The following HNRNPCL1 variants were observed in gnomAD, a reference collection of about 807,000 sequenced individuals.
HNRNPCL1 encodes the protein heterogeneous nuclear ribonucleoprotein C like 1.
A neutral mutation model predicts 19.0 loss-of-function variants in HNRNPCL1; 15 were observed. That is an observed-to-expected ratio of 0.79 (90% confidence interval 0.53 to 1.22). The LOEUF (loss-of-function observed/expected upper bound fraction) is 1.22. Among genes scored for constraint, HNRNPCL1 ranks in the 50% most tolerant of loss-of-function variants. HNRNPCL1 has a pLI of 0.00. For synonymous variants in HNRNPCL1, 110 were observed against 129.1 expected, an observed-to-expected ratio of 0.85 and a Z score of 1.00; for missense variants, 327 against 354.7, an observed-to-expected ratio of 0.92 and a Z score of 0.63.
chr1:12,847,624 C>T lies in HNRNPCL1; in HGVS notation c.666G>A (p.Glu222=), dbSNP rs199604355. 82 of 1,606,540 alleles carry T rather than the reference C, an allele frequency of 5.1e-5. 5 individuals carry two copies. The Middle Eastern group carries it at 8.2e-4, about 16-fold the overall frequency. Residue 222 remains glutamate (E), a synonymous_variant, in exon 2 of 2, where the codon GAG becomes GAA. Coordinates refer to ENST00000317869, the MANE Select transcript of HNRNPCL1 (RefSeq NM_001013631.3). ...TCTTCATGGAGCTACTGCTCTGCTCCTCTTCTGACTTAGCATTTTTCACCT... is the reference window on the plus strand; with the variant it reads ...TCTTCATGGAGCTACTGCTCTGCTCTTCTTCTGACTTAGCATTTTTCACCT... The part of the protein sequence containing the change: ...EVEVKNAKSE[E]EQSSSSMKKD...
rs759411395 is a variant in HNRNPCL1 at position 12,847,927 on chromosome 1, A to C, written c.363T>G (p.Asp121Glu). Residue 121 changes from aspartate to glutamate, a missense_variant, in exon 2 of 2, where the codon GAT (aspartate) becomes GAG (glutamate). Coordinates refer to ENST00000317869, the MANE Select transcript of HNRNPCL1 (RefSeq NM_001013631.3). ...CACGTGCTGGGAAACTGTACATTCC[A>C]TCATAATAATCCCGTTGAAAGCCAT... is the stretch of plus-strand genomic sequence containing the variant. ...LDYGFQRDYY[D>E]GMYSFPARVP... 6 of 1,606,902 alleles carry C rather than the reference A, an allele frequency of 3.7e-6. 1 individual carries two copies. The East Asian group carries it at 1.3e-4, about 36-fold the overall frequency.
rs1388976665 is a variant in HNRNPCL1 at position 12,847,533 on chromosome 1, G to C, written c.757C>G (p.Pro253Ala). 1 of 1,606,158 alleles carries C rather than the reference G, an allele frequency of 6.2e-7. No individual in the cohort carries two copies. The highest frequency in any genetic ancestry group is 2.2e-5 in the East Asian group (1 of 44,672). Residue 253 changes from proline to alanine, a missense_variant, in exon 2 of 2, where the codon CCA (proline) becomes GCA (alanine). By Grantham distance (27) the Pro-to-Ala change is conservative. This residue lies in a region of HNRNPCL1 where 281 missense variants were observed against 254.7 expected (regional missense o/e 1.10). Coordinates refer to ENST00000317869, the MANE Select transcript of HNRNPCL1 (RefSeq NM_001013631.3). ...TCTTCATTAACATCATCATCCAGTG[G>C]GTCCCCCTCCTCAGCAGAGTCTTCT... Reference protein sequence around the residue: ...GAEDSAEEGDPLDDDVNEDQG... With the variant: ...GAEDSAEEGDALDDDVNEDQG...
At position 12,847,932 on chromosome 1, in the gene HNRNPCL1, A is replaced by C. The variant is rs751024577; in HGVS notation, c.358T>G (p.Tyr120Asp). ...DLDYGFQRDY[Y>D]DGMYSFPARV... is the part of the protein sequence containing the mutation. ...GCTGGGAAACTGTACATTCCATCATAATAATCCCGTTGAAAGCCATAGTCC... is the reference window on the plus strand; with the variant it reads ...GCTGGGAAACTGTACATTCCATCATCATAATCCCGTTGAAAGCCATAGTCC... The change falls in exon 2 of 2, where the codon TAT (tyrosine) becomes GAT (aspartate). Residue 120 changes from tyrosine to aspartate, a missense_variant. Tyr to Asp is a radical substitution (Grantham distance 160, BLOSUM62 -3). This residue lies in a region of HNRNPCL1 where 281 missense variants were observed against 254.7 expected (regional missense o/e 1.10). Transcript: ENST00000317869. 14 of 1,606,952 alleles carry C rather than the reference A, an allele frequency of 8.7e-6. 1 individual carries two copies. The African/African-American group carries it at 9.4e-5, about 11-fold the overall frequency.
chr1:12,847,992 A>G lies in HNRNPCL1; in HGVS notation c.298T>C (p.Ser100Pro). The G allele has an allele frequency of 6.2e-7, 1 of 1,607,638 alleles. No individual in the cohort carries two copies. Among genetic ancestry groups the G allele is most frequent in the African/African-American group, 1.3e-5 (1 of 74,416 alleles). ...VNRGNAGVKR[S>P]AAEMYGSSFD... The stretch of plus-strand genomic sequence containing the variant: ...GAGGAGCCGTACATCTCCGCTGCTG[A>G]TCGTTTCACACCTGCGTTTCCTCGG... Residue 100 changes from serine (S) to proline (P), a missense_variant, in exon 2 of 2, where the codon TCA (serine) becomes CCA (proline). Ser to Pro is a moderately conservative substitution (Grantham distance 74). Coordinates refer to ENST00000317869, the MANE Select transcript of HNRNPCL1 (RefSeq NM_001013631.3).
Position 12,847,944 on chromosome 1 carries a change from G to A in HNRNPCL1, c.346C>T (p.Gln116Ter). The change falls in exon 2 of 2, where the codon CAA (glutamine) becomes TAA (stop). Residue 116 changes from glutamine to a stop codon, truncating the protein, a stop_gained. Transcript: ENST00000317869. LOFTEE classifies it high-confidence loss of function. The stretch of plus-strand genomic sequence containing the variant: ...TACATTCCATCATAATAATCCCGTT[G>A]AAAGCCATAGTCCAAGTCAAAAGAG... ...GSSFDLDYGF[Q>*]RDYYDGMYSF... is the part of the protein sequence containing the mutation. 1 of 1,607,364 alleles carries A rather than the reference G, an allele frequency of 6.2e-7. No individual in the cohort carries two copies. The highest frequency in any genetic ancestry group is 8.5e-7 in the Non-Finnish European group (1 of 1,176,928).
rs2359486 is a variant in HNRNPCL1, at chr1:12,847,497, C to A, written c.793G>T (p.Asp265Tyr). ...TCATCCTTGATCAACTCCAGCTGGT[C>A]ATCCCCCTGATCTTCATTAACATCA... ...DDDVNEDQGD[D>Y]QLELIKDDEK... is the part of the protein sequence containing the mutation. The change falls in exon 2 of 2, where the codon GAC becomes TAC. Residue 265 changes from aspartate to tyrosine, a missense_variant. Physicochemically the swap from Asp to Tyr is radical, Grantham distance 160. Transcript: ENST00000317869. The A allele has an allele frequency of 6.2e-7, 1 of 1,606,494 alleles. No homozygotes were observed. The highest frequency in any genetic ancestry group is 1.3e-5 in the African/African-American group (1 of 74,084).
chr1:12,847,534 G>C lies in HNRNPCL1; in HGVS notation c.756C>G (p.Asp252Glu). The C allele has an allele frequency of 6.2e-7, 1 of 1,606,248 alleles. No homozygotes were observed. Among genetic ancestry groups the C allele is most frequent in the South Asian group, 1.1e-5 (1 of 90,424 alleles). ...CTTCATTAACATCATCATCCAGTGG[G>C]TCCCCCTCCTCAGCAGAGTCTTCTG... Reference protein sequence around the residue: ...GGAEDSAEEGDPLDDDVNEDQ... With the variant: ...GGAEDSAEEGEPLDDDVNEDQ... The change falls in exon 2 of 2, where the codon GAC becomes GAG. Residue 252 changes from aspartate to glutamate, a missense_variant. This residue lies in a region of HNRNPCL1 where 281 missense variants were observed against 254.7 expected (regional missense o/e 1.10). Coordinates refer to ENST00000317869, the MANE Select transcript of HNRNPCL1 (RefSeq NM_001013631.3).
At position 12,847,764 on chromosome 1, in the gene HNRNPCL1, T is replaced by C. The variant is rs1480798229; in HGVS notation, c.526A>G (p.Lys176Glu). 3.1e-6 allele frequency: 5 copies of C among 1,606,802 alleles called. 1 individual carries two copies. In the African/African-American group the frequency reaches 6.7e-5, roughly 22 times the overall value. The change falls in exon 2 of 2, where the codon AAA becomes GAA. Residue 176 changes from lysine (K) to glutamate (E), a missense_variant. By Grantham distance (56) the Lys-to-Glu change is moderately conservative. Transcript: ENST00000317869. Reference protein sequence around the residue: ...KRGSSKSGKLKGDDLQAIKQE... With the variant: ...KRGSSKSGKLEGDDLQAIKQE... The stretch of plus-strand genomic sequence containing the variant: ...TTAATGGCCTGAAGGTCATCACCTT[T>C]CAACTTTCCAGACTTGGAAGATCCC...
Position 12,848,389 on chromosome 1 carries a change from A to G in HNRNPCL1, c.-100T>C. 2 of 1,447,554 alleles carry G rather than the reference A, an allele frequency of 1.4e-6. No homozygotes were observed. Among genetic ancestry groups the G allele is most frequent in the Non-Finnish European group, 1.8e-6 (2 of 1,089,454 alleles). The allele number at this position is 1,447,554 out of a possible 1,614,324, so 89.7% of individuals were successfully genotyped here. A position where few individuals can be genotyped will look rare whatever the true frequency, so the allele number is the denominator to read the frequency against. The stretch of plus-strand genomic sequence containing the variant: ...CCTACTGCCGGGTTCTACGGGGAGA[A>G]ACTGACTGCGGCTCGAGGCCAGAAA... On this transcript the variant is annotated 5_prime_UTR_variant, in exon 2 of 2. Transcript: ENST00000317869.
chr1:12,847,775 G>A lies in HNRNPCL1; in HGVS notation c.515C>T (p.Ser172Phe), dbSNP rs1319257967. ...SKSGKRGSSK[S>F]GKLKGDDLQA... ...AAGGTCATCACCTTTCAACTTTCCA[G>A]ACTTGGAAGATCCCCGCTTTCCACT... Residue 172 changes from serine (S) to phenylalanine (F), a missense_variant, in exon 2 of 2, where the codon TCT becomes TTT. Ser to Phe is a radical substitution (Grantham distance 155). Transcript: ENST00000317869. 8.1e-6 allele frequency: 13 copies of A among 1,606,716 alleles called. 1 individual carries two copies. Among genetic ancestry groups the A allele is most frequent in the Non-Finnish European group, 1.1e-5 (13 of 1,176,602 alleles).
chr1:12,847,865 G>A lies in HNRNPCL1; in HGVS notation c.425C>T (p.Pro142Leu), dbSNP rs754841080. 6.2e-7 allele frequency: 1 copy of A among 1,606,528 alleles called. No individual in the cohort carries two copies. Among genetic ancestry groups the A allele is most frequent in the Non-Finnish European group, 8.5e-7 (1 of 1,176,560 alleles). ...PPPPIALAVV[P>L]SKRQRLSGNT... is the part of the protein sequence containing the mutation. The stretch of plus-strand genomic sequence containing the variant: ...TCCTGATAGACGTTGACGTTTCGAG[G>A]GCACTACAGCCAGAGCAATGGGAGG... Residue 142 changes from proline (P) to leucine (L), a missense_variant, in exon 2 of 2, where the codon CCC becomes CTC. Pro to Leu is a moderately conservative substitution (Grantham distance 98). Around this residue, in one of 2 missense-constraint regions of HNRNPCL1, gnomAD observed 281 missense variants for 254.7 expected, o/e 1.10. Transcript: ENST00000317869.
At position 12,847,861 on chromosome 1, in the gene HNRNPCL1, C is replaced by G. The variant is rs138482466; in HGVS notation, c.429G>C (p.Ser143=). 1 of 1,606,508 alleles carries G rather than the reference C, an allele frequency of 6.2e-7. No homozygotes were observed. The highest frequency in any genetic ancestry group is 2.2e-5 in the East Asian group (1 of 44,676). The part of the protein sequence containing the change: ...PPPIALAVVP[S]KRQRLSGNTS... Reference sequence around the variant, plus strand: ...TGTTTCCTGATAGACGTTGACGTTTCGAGGGCACTACAGCCAGAGCAATGG... The same window carrying G: ...TGTTTCCTGATAGACGTTGACGTTTGGAGGGCACTACAGCCAGAGCAATGG... Residue 143 remains serine, a synonymous_variant, in exon 2 of 2, where the codon TCG becomes TCC. Coordinates refer to ENST00000317869, the MANE Select transcript of HNRNPCL1 (RefSeq NM_001013631.3).
At position 12,848,404 on chromosome 1, in the gene HNRNPCL1, G is replaced by C. The variant is rs1434894193; in HGVS notation, c.-115C>G. ...TACGGGGAGAAACTGACTGCGGCTC[G>C]AGGCCAGAAATGCAGCCAAAACAGC... On this transcript the variant is annotated 5_prime_UTR_variant, in exon 2 of 2. Transcript: ENST00000317869. 1.4e-6 allele frequency: 2 copies of C among 1,398,578 alleles called. No homozygotes were observed. The highest frequency in any genetic ancestry group is 1.5e-5 in the African/African-American group (1 of 67,758). 86.6% of individuals were successfully genotyped at this position (1,398,578 alleles called of 1,614,324 possible). A position where few individuals can be genotyped will look rare whatever the true frequency, so the allele number is the denominator to read the frequency against.
At position 12,847,447 on chromosome 1, in the gene HNRNPCL1, C is replaced by T. The variant is rs1164255935; in HGVS notation, c.843G>A (p.Glu281=). 6.2e-7 allele frequency: 1 copy of T among 1,606,296 alleles called. No individual in the cohort carries two copies. Among genetic ancestry groups the T allele is most frequent in the Non-Finnish European group, 8.5e-7 (1 of 1,176,522 alleles). ...GGCCATTGGTGCTGTCTCTGTCATC[C>T]TCTCCTTCCTCAGCCTCTTTTTCAT... ...KDDEKEAEEG[E]DDRDSTNGQD... is the part of the protein sequence containing the mutation. Residue 281 remains glutamate, a synonymous_variant, in exon 2 of 2, where the codon GAG becomes GAA. Transcript: ENST00000317869.
rs1557622122 is a variant in HNRNPCL1 at position 12,847,631 on chromosome 1, G to T, written c.659C>A (p.Ser220Ter). ...KQEVEVKNAK[S>*]EEEQSSSSMK... ...GGAGCTACTGCTCTGCTCCTCTTCT[G>T]ACTTAGCATTTTTCACCTCTACCTC... Residue 220 changes from serine (S) to a stop codon, truncating the protein, a stop_gained, in exon 2 of 2, where the codon TCA becomes TAA. Coordinates refer to ENST00000317869, the MANE Select transcript of HNRNPCL1 (RefSeq NM_001013631.3). LOFTEE classifies it high-confidence loss of function. 6.2e-7 allele frequency: 1 copy of T among 1,606,478 alleles called. No individual in the cohort carries two copies. The highest frequency in any genetic ancestry group is 8.5e-7 in the Non-Finnish European group (1 of 1,176,474).
rs1474613713 is a variant in HNRNPCL1 at position 12,847,568 on chromosome 1, T to A, written c.722A>T (p.Glu241Val). The change falls in exon 2 of 2, where the codon GAG becomes GTG. Residue 241 changes from glutamate (E) to valine (V), a missense_variant. Coordinates refer to ENST00000317869, the MANE Select transcript of HNRNPCL1 (RefSeq NM_001013631.3). ...KDETHVKMES[E>V]GGAEDSAEEG... ...CTCAGCAGAGTCTTCTGCACCCCCC[T>A]CAGACTCCATCTTCACATGAGTCTC... 5 of 1,606,544 alleles carry A rather than the reference T, an allele frequency of 3.1e-6. No individual in the cohort carries two copies. The East Asian group carries it at 1.1e-4, about 36-fold the overall frequency.
chr1:12,848,396 T>G lies in HNRNPCL1; in HGVS notation c.-107A>C, dbSNP rs1265033422. On this transcript the variant is annotated 5_prime_UTR_variant, in exon 2 of 2. Coordinates refer to ENST00000317869, the MANE Select transcript of HNRNPCL1 (RefSeq NM_001013631.3). The stretch of plus-strand genomic sequence containing the variant: ...CCGGGTTCTACGGGGAGAAACTGAC[T>G]GCGGCTCGAGGCCAGAAATGCAGCC... 3 of 1,428,672 alleles carry G rather than the reference T, an allele frequency of 2.1e-6. No individual in the cohort carries two copies. The highest frequency in any genetic ancestry group is 4.9e-5 in the East Asian group (2 of 40,704). 88.5% of individuals were successfully genotyped at this position (1,428,672 alleles called of 1,614,324 possible). A position where few individuals can be genotyped will look rare whatever the true frequency, so the allele number is the denominator to read the frequency against.
Position 12,847,566 on chromosome 1 carries a change from C to A in HNRNPCL1, c.724G>T (p.Gly242Trp), listed in dbSNP as rs537856884. The A allele has an allele frequency of 5.6e-6, 9 of 1,606,580 alleles. No homozygotes were observed. Among genetic ancestry groups the A allele is most frequent in the Non-Finnish European group, 7.6e-6 (9 of 1,176,684 alleles). ...DETHVKMESE[G>W]GAEDSAEEGD... is the part of the protein sequence containing the mutation. ...TCCTCAGCAGAGTCTTCTGCACCCCCCTCAGACTCCATCTTCACATGAGTC... is the reference window on the plus strand; with the variant it reads ...TCCTCAGCAGAGTCTTCTGCACCCCACTCAGACTCCATCTTCACATGAGTC... The change falls in exon 2 of 2, where the codon GGG becomes TGG. Residue 242 changes from glycine (G) to tryptophan (W), a missense_variant. Physicochemically the swap from Gly to Trp is radical, Grantham distance 184. Coordinates refer to ENST00000317869, the MANE Select transcript of HNRNPCL1 (RefSeq NM_001013631.3).
In HNRNPCL1 at chr1:12,848,054, A is replaced by G. The variant is rs374256219; in HGVS notation, c.236T>C (p.Val79Ala). 579 of 1,606,584 alleles carry G rather than the reference A, an allele frequency of 3.6e-4. 18 individuals are homozygous for G. The East Asian group carries it at 7.8e-3, about 22-fold the overall frequency. Reference sequence around the variant, plus strand: ...CTCCGCAGCCAGGTTAATATCTACAACCTGGCTAGCAATCATTCTGCCATC... The same window carrying G: ...CTCCGCAGCCAGGTTAATATCTACAGCCTGGCTAGCAATCATTCTGCCATC... ...GEDGRMIASQ[V>A]VDINLAAEPK... Residue 79 changes from valine to alanine, a missense_variant, in exon 2 of 2, where the codon GTT becomes GCT. By Grantham distance (64) the Val-to-Ala change is moderately conservative. This residue lies in a region of HNRNPCL1 where 281 missense variants were observed against 254.7 expected (regional missense o/e 1.10). Coordinates refer to ENST00000317869, the MANE Select transcript of HNRNPCL1 (RefSeq NM_001013631.3).
Sources: allele counts gnomAD v4.1 joint callset, GRCh38; gene constraint gnomAD v4.1.1; regional missense constraint gnomAD v4.1.1; transcripts MANE v1.5; gene names NCBI Gene and HGNC (gene_info 2026-07-23, HGNC 2026-07-21).